The following RARB variants were observed in gnomAD, a reference collection of about 807,000 sequenced individuals.
RARB encodes the protein retinoic acid receptor beta.
Under a neutral mutation model 51.9 loss-of-function variants are expected in RARB, and 17 were observed. That is an observed-to-expected ratio of 0.33 (90% CI 0.22 to 0.49). The LOEUF is 0.49. Ranked by LOEUF, RARB falls within the 20% of genes least tolerant of loss-of-function variation. The pLI is 0.99. For missense variants in RARB, 369 were observed against 550.8 expected (o/e 0.67, Z 3.30); for synonymous variants, 215 against 195.4 (o/e 1.10, Z -0.84).
chr3:25,160,810 G>GC (rs1236465129), intron 4 of RARB, among the ~76,000 whole-genome samples: 1 of 152,122 alleles, frequency 6.6e-6, no homozygotes, highest in African/African-American at 2.4e-5. Context: ...TTGTTTCCTT[G>GC]CCCTTTTCAG....
At chr3:25,510,563 C>T (rs1421192828) in intron 3 of RARB, among the ~76,000 whole-genome samples, 1 of 151,862 alleles carries the variant, frequency 6.6e-6, no homozygotes, top group Non-Finnish European at 1.5e-5. Flanking sequence ...GAGGCAGAGG[C>T]TGCATTGGGC....
intron 5 of RARB, among the ~76,000 whole-genome samples, chr3:25,380,984 G>C (rs7628351): frequency 0.77 from 116,732 of 152,036 alleles, 45,301 homozygotes; most frequent in East Asian, 0.99. Flanking sequence ...TATTTTTACC[G>C]TTCTTCCTAT....
At chr3:24,870,191 T>A (rs1467885758) in intron 2 of RARB, among the ~76,000 whole-genome samples, 17 of 152,106 alleles carry the variant, frequency 1.1e-4, no homozygotes, top group Admixed American at 1.1e-3. Flanking sequence ...TTTTGATGAA[T>A]ACAGTTTATT....
intron 5 of RARB, among the ~76,000 whole-genome samples, chr3:25,186,581 T>C (rs1370509027): frequency 6.6e-6 from 1 of 152,106 alleles, no homozygotes; most frequent in African/African-American, 2.4e-5. Flanking sequence ...ATTCACTAAA[T>C]TGAATATTAT....
At chr3:25,499,087 ACCATGCCAG>A (rs1445123248) in intron 2 of RARB, among the ~76,000 whole-genome samples, 1 of 152,182 alleles carries the variant, frequency 6.6e-6, no homozygotes, top group East Asian at 1.9e-4. Flanking sequence ...TTATAGTTGA[ACCATGCCAG>A]TAAAAATATG....
chr3:24,853,225 GA>G (rs1054961432), intron 1 of RARB, among the ~76,000 whole-genome samples: 1 of 152,034 alleles, frequency 6.6e-6, no homozygotes, highest in African/African-American at 2.4e-5. Context: ...GCTGAGGCAG[GA>G]GAATGGTGTG....
intron 5 of RARB, among the ~76,000 whole-genome samples, chr3:25,312,060 G>T (rs1704303720): frequency 6.6e-6 from 1 of 152,210 alleles, no homozygotes; most frequent in Admixed American, 6.5e-5. Flanking sequence ...TGGGGGAGAT[G>T]AGTTGTTTCC....
Position 25,201,123 on chromosome 3 carries a change from T to C in RARB, c.178+26548T>C, listed in dbSNP as rs1006407007. ...TGTGTCCTTGAACAGTCGTTTGTAG[T>C]TCTCCTTGAAGAGTTCCTTCACATC... On this transcript the variant is annotated intron_variant, in intron 5 of 11. Coordinates refer to the RARB transcript ENST00000383772. 2.0e-5 allele frequency among the ~76,000 whole-genome samples: 3 copies of C among 152,118 alleles called. No individual in the cohort carries two copies. In the South Asian group the frequency reaches 6.2e-4, roughly 31 times the overall value.
Position 25,350,771 on chromosome 3 carries a change from C to T in RARB, c.179-110422C>T, listed in dbSNP as rs115038370. Among the ~76,000 whole-genome samples, 283 of 152,268 alleles carry T rather than the reference C, an allele frequency of 1.9e-3. 1 individual carries two copies. Among genetic ancestry groups the T allele is most frequent in the African/African-American group, 5.9e-3 (247 of 41,564 alleles). ...AACTGAGAATCTGCATATGAGAATA[C>T]GCAGACATGACAACTTCAAAATAAG... On this transcript the variant is annotated intron_variant, in intron 5 of 11. Transcript: ENST00000383772.
intron 5 of RARB, among the ~76,000 whole-genome samples, chr3:25,285,498 CTT>C (rs1703627542): frequency 6.6e-6 from 1 of 152,150 alleles, no homozygotes; most frequent in Admixed American, 6.5e-5. Flanking sequence ...AGAAAGGTAA[CTT>C]TGGCTGCAGT....
At chr3:24,831,449 T>C (rs1473490709) in intron 1 of RARB, among the ~76,000 whole-genome samples, 1 of 152,178 alleles carries the variant, frequency 6.6e-6, no homozygotes, top group Non-Finnish European at 1.5e-5. Context: ...TTTGGTAATA[T>C]AAAGTCATGA....
chr3:24,958,573 T>C (rs1334206041), intron 2 of RARB, among the ~76,000 whole-genome samples: 5 of 152,190 alleles, frequency 3.3e-5, no homozygotes, highest in Admixed American at 2.0e-4. Flanking sequence ...TATCTGTGCT[T>C]TCTTTCAGAC....
intron 3 of RARB, among the ~76,000 whole-genome samples, chr3:25,104,277 G>C (rs978348653): frequency 6.6e-6 from 1 of 152,170 alleles, no homozygotes; most frequent in African/African-American, 2.4e-5. Flanking sequence ...TTGTTGATGG[G>C]AATATAACTT....
At chr3:25,465,343 C>T (rs955416237) in intron 2 of RARB, among the ~76,000 whole-genome samples, 1 of 152,132 alleles carries the variant, frequency 6.6e-6, no homozygotes, top group South Asian at 2.1e-4. Flanking sequence ...ACCATAGGCC[C>T]CTTGTTGACC....
At chr3:25,023,354 T>G (rs958367087) in intron 2 of RARB, among the ~76,000 whole-genome samples, 3 of 152,202 alleles carry the variant, frequency 2.0e-5, no homozygotes, top group African/African-American at 7.2e-5. Flanking sequence ...ATTGATTGAT[T>G]AATGCGGTTA....
At chr3:25,360,325 TGGTAAATCTTCTTCCATC>T in intron 5 of RARB, among the ~76,000 whole-genome samples, 2 of 152,364 alleles carry the variant, frequency 1.3e-5, no homozygotes, top group South Asian at 4.1e-4. Flanking sequence ...TCCATTTGCT[TGGTAAATCTTCTTCCATC>T]CCTTTATTTT....
intron 3 of RARB, among the ~76,000 whole-genome samples, chr3:25,112,956 T>A (rs1217472789): frequency 6.6e-6 from 1 of 152,202 alleles, no homozygotes; most frequent in Admixed American, 6.5e-5. Flanking sequence ...CGGGTATTTT[T>A]ATTTAGTATA....
At chr3:25,477,775 A>G (rs537201553) in intron 2 of RARB, among the ~76,000 whole-genome samples, 1 of 152,332 alleles carries the variant, frequency 6.6e-6, no homozygotes, top group South Asian at 2.1e-4. Context: ...AACCATCGCA[A>G]ATCTTAATAG....
chr3:25,322,154 TG>T (rs1167417483), intron 5 of RARB, among the ~76,000 whole-genome samples: 4 of 143,038 alleles, frequency 2.8e-5, no homozygotes, highest in Non-Finnish European at 4.5e-5. Context: ...TATGGAAATT[TG>T]GTATATGAGG....
Sources: gnomAD v4.1 joint callset for allele counts (sites outside exome capture counted in the v4.1 genomes callset) on GRCh38, gnomAD v4.1.1 for gene constraint, MANE v1.5 for transcripts, NCBI Gene and HGNC (gene_info 2026-07-23, HGNC 2026-07-21) for gene names.